TRIM24: variants seen among roughly 807,000 people sequenced by gnomAD.
The protein encoded by TRIM24 is transcription intermediary factor 1-alpha.
In TRIM24, 29 loss-of-function variants were observed where a neutral mutation model predicts 123.9. The ratio of observed to expected loss-of-function variants is 0.23; its 90% CI spans 0.17 to 0.32. The LOEUF is 0.32. Ranked by LOEUF, TRIM24 falls within the 10% of genes least tolerant of loss-of-function variation. The probability of loss-of-function intolerance (pLI) is 1.00; values close to 1 mark genes in which losing one functional copy is unlikely to be tolerated. For missense variants in TRIM24, 932 were observed against 1,295.3 expected (o/e 0.72, Z 4.31); for synonymous variants, 456 against 461.1 (o/e 0.99, Z 0.14).
intron 1 of TRIM24, among the ~76,000 whole-genome samples, chr7:138,491,558 A>G (rs548266004): frequency 9.3e-5 from 14 of 150,246 alleles, no homozygotes; most frequent in Middle Eastern, 3.4e-3. Context: ...GTAAGGGTAT[A>G]GCACATTTTA....
intron 9 of TRIM24, among the ~76,000 whole-genome samples, chr7:138,559,429 G>A (rs764040419): frequency 6.6e-6 from 1 of 152,098 alleles, no homozygotes; most frequent in Non-Finnish European, 1.5e-5. Flanking sequence ...GGAGGAGGTT[G>A]GATAAAGAGA....
At chr7:138,555,993 T>C (rs893964605) in intron 9 of TRIM24, among the ~76,000 whole-genome samples, 3 of 152,186 alleles carry the variant, frequency 2.0e-5, no homozygotes, top group African/African-American at 7.2e-5. Context: ...AACATTAGTC[T>C]GGATGAAGGT....
At chr7:138,566,380 G>A (rs898581398) in intron 9 of TRIM24, among the ~76,000 whole-genome samples, 1 of 152,244 alleles carries the variant, frequency 6.6e-6, no homozygotes, top group East Asian at 1.9e-4. Flanking sequence ...GCCAGGTGTG[G>A]TGGGGCATTC....
intron 9 of TRIM24, among the ~76,000 whole-genome samples, chr7:138,559,099 TCAAAC>T (rs1797373859): frequency 1.3e-5 from 2 of 152,154 alleles, no homozygotes; most frequent in African/African-American, 4.8e-5. Flanking sequence ...AGTATGAACT[TCAAAC>T]CAAGTCTCAA....
At chr7:138,495,873 A>G (rs1795895218) in intron 1 of TRIM24, among the ~76,000 whole-genome samples, 1 of 152,124 alleles carries the variant, frequency 6.6e-6, no homozygotes, top group African/African-American at 2.4e-5. Flanking sequence ...CTCTCAGTCC[A>G]TCCTTTTGAG....
At chr7:138,564,144 T>G (rs1797484732) in intron 9 of TRIM24, among the ~76,000 whole-genome samples, 2 of 152,146 alleles carry the variant, frequency 1.3e-5, no homozygotes, top group Non-Finnish European at 2.9e-5. Context: ...TGTTTCCAGT[T>G]TAGGAGATCA....
chr7:138,545,730 C>T (rs1797089065), intron 7 of TRIM24, among the ~76,000 whole-genome samples: 1 of 151,908 alleles, frequency 6.6e-6, no homozygotes, highest in South Asian at 2.1e-4. Context: ...AAGTTGTGCC[C>T]AGAACATGTT....
At chr7:138,513,667 C>G (rs949640234) in intron 2 of TRIM24, among the ~76,000 whole-genome samples, 21 of 152,102 alleles carry the variant, frequency 1.4e-4, no homozygotes, top group African/African-American at 4.8e-4. Context: ...ATACACCTAC[C>G]TCCCAGCAGG....
intron 1 of TRIM24, among the ~76,000 whole-genome samples, chr7:138,461,566 G>T (rs1365659621): frequency 6.6e-6 from 1 of 152,194 alleles, no homozygotes; most frequent in African/African-American, 2.4e-5. Context: ...AGACGGCGAA[G>T]AGAAATAATA....
At chr7:138,529,437 T>C (rs904291062) in intron 6 of TRIM24, among the ~76,000 whole-genome samples, 1 of 152,178 alleles carries the variant, frequency 6.6e-6, no homozygotes, top group Non-Finnish European at 1.5e-5. Context: ...TGATGACTGA[T>C]TGTTTTCTTT....
At chr7:138,528,318 A>G (rs1262348496) in intron 5 of TRIM24, among the ~76,000 whole-genome samples, 1 of 152,062 alleles carries the variant, frequency 6.6e-6, no homozygotes, top group Non-Finnish European at 1.5e-5. Flanking sequence ...AAATAAAGAA[A>G]ATTTGTTTTT....
chr7:138,522,893 T>C (rs1450122569), intron 4 of TRIM24, among the ~76,000 whole-genome samples: 2 of 152,220 alleles, frequency 1.3e-5, no homozygotes, highest in African/African-American at 4.8e-5. Flanking sequence ...CATTTTCATC[T>C]GAATGATAGT....
chr7:138,538,609 CTA>C, intron 6 of TRIM24, 46 bp from the exon 7 acceptor site: 12 of 1,594,506 alleles, frequency 7.5e-6, no homozygotes, highest in Non-Finnish European at 1.0e-5. Flanking sequence ...CCATCAAAGT[CTA>C]TGTTACATGC....
Position 138,571,023 on chromosome 7 carries a change from A to T in TRIM24, c.1878+20A>T, listed in dbSNP as rs370199172. 274 of 1,612,814 alleles carry T rather than the reference A, an allele frequency of 1.7e-4. No individual in the cohort carries two copies. Among genetic ancestry groups the T allele is most frequent in the South Asian group, 6.5e-4 (59 of 91,034 alleles). ...CCGGATGTAAGTAGACACAAAATTT[A>T]TACTAGCCTCTGTTGAAAACTGTTG... On this transcript the variant is annotated intron_variant, in intron 11 of 18. Transcript: ENST00000343526.
chr7:138,531,981 A>G (rs865929133), intron 6 of TRIM24, among the ~76,000 whole-genome samples: 1 of 151,786 alleles, frequency 6.6e-6, no homozygotes, highest in African/African-American at 2.4e-5. Flanking sequence ...ATGATGAGCA[A>G]TTTTTCATGT....
chr7:138,581,957 T>A (rs1334935257), intron 17 of TRIM24, among the ~76,000 whole-genome samples, 186 bp downstream of exon 17: 1 of 152,210 alleles, frequency 6.6e-6, no homozygotes, highest in Non-Finnish European at 1.5e-5. Context: ...AAACTTCTGT[T>A]CATTTCTCAG....
At chr7:138,461,420 T>C in intron 1 of TRIM24, 4 of 380,270 alleles carry the variant, frequency 1.1e-5, no homozygotes, top group Admixed American at 3.5e-5. Flanking sequence ...AGATCGGATG[T>C]CATTTATTTC....
chr7:138,581,576 A>G (rs918653838), intron 16 of TRIM24, 121 bp from the exon 17 acceptor site: 23 of 752,322 alleles, frequency 3.1e-5, no homozygotes, highest in Non-Finnish European at 4.3e-5. Flanking sequence ...ATTTTTTTGT[A>G]TTCATCTGGG....
rs1798066772 is a variant in TRIM24 at position 138,589,255 on chromosome 7, T to C, written c.*4304T>C. On this transcript the variant is annotated 3_prime_UTR_variant, in exon 19 of 19. Transcript: ENST00000343526. ...ATGCTAGTCAGTCAGATCACAGATT[T>C]TTCTCCATGAAGGTTTTACTTATTG... is the stretch of plus-strand genomic sequence containing the variant. 6.6e-6 allele frequency: 1 copy of C among 152,190 alleles called. No homozygotes were observed. Among genetic ancestry groups the C allele is most frequent in the South Asian group, 2.1e-4 (1 of 4,834 alleles). 9.4% of individuals were successfully genotyped at this position (152,190 alleles called of 1,614,324 possible).
Sources: allele counts gnomAD v4.1 joint callset (sites outside exome capture counted in the v4.1 genomes callset), GRCh38; gene constraint gnomAD v4.1.1; transcripts MANE v1.5; gene names NCBI Gene and HGNC (gene_info 2026-07-23, HGNC 2026-07-21).